Variants in PTER observed in about 807,000 individuals in gnomAD.
PTER encodes the protein phosphotriesterase related, also known as N-acetyltaurine hydrolase.
PTER carries 38 observed loss-of-function variants against 29.6 expected under a neutral mutation model. That is an observed-to-expected ratio of 1.28 (90% CI 0.99 to 1.68). The LOEUF is 1.68. Among genes scored for constraint, PTER ranks in the 40% most tolerant of loss-of-function variants. The pLI, the probability that PTER is intolerant of heterozygous loss-of-function variation, is 0.00. For missense variants in PTER, 482 were observed against 427.8 expected (o/e 1.13, Z -1.12); for synonymous variants, 172 against 154.5 (o/e 1.11, Z -0.84).
intron 1 of PTER, among the ~76,000 whole-genome samples, chr10:16,480,505 C>T (rs143503916): frequency 1.3e-5 from 2 of 152,000 alleles, no homozygotes; most frequent in African/African-American, 4.8e-5. Context: ...CTAATTTGAC[C>T]ATTGCATTTA....
At chr10:16,505,304 CA>C in intron 4 of PTER, 144 bp downstream of exon 4, 1 of 1,079,820 alleles carries the variant, frequency 9.3e-7, no homozygotes, top group Non-Finnish European at 1.3e-6. Context: ...TATGCTGTTT[CA>C]GGGAGAAAAA....
chr10:16,451,045 A>C (rs891796669), intron 1 of PTER, among the ~76,000 whole-genome samples: 2 of 152,172 alleles, frequency 1.3e-5, no homozygotes, highest in African/African-American at 2.4e-5. Flanking sequence ...CCATCCTTAA[A>C]ATTCTGTCTG....
chr10:16,486,958 A>G (rs974278366), intron 3 of PTER, among the ~76,000 whole-genome samples: 7 of 152,200 alleles, frequency 4.6e-5, no homozygotes, highest in Non-Finnish European at 7.3e-5. Flanking sequence ...GTAGCTGCCA[A>G]TTCCACTTGC....
At chr10:16,444,463 A>G (rs1833951782) in intron 1 of PTER, among the ~76,000 whole-genome samples, 1 of 151,332 alleles carries the variant, frequency 6.6e-6, no homozygotes, top group Non-Finnish European at 1.5e-5. Context: ...CAGAGGACCT[A>G]CAGGGAACTT....
intron 2 of PTER, 90 bp downstream of exon 2, chr10:16,484,906 C>A: frequency 7.2e-7 from 1 of 1,379,844 alleles, no homozygotes; most frequent in Non-Finnish European, 9.6e-7. Flanking sequence ...GGTAGCTGGG[C>A]ATGCTACGGA....
Position 16,484,797 on chromosome 10 carries a change from G to C in PTER, c.413G>C (p.Arg138Thr). The change falls in exon 2 of 5, where the codon AGG becomes ACG. Residue 138 changes from arginine (R) to threonine (T), a missense_variant. Transcript: ENST00000535784. ...GATGCAACTCACTCCTCAGAGACCA[G>C]GGCCATGTCAGTGGAGCAGGTAAAA... is the stretch of plus-strand genomic sequence containing the variant. The part of the protein sequence containing the change: ...YVDATHSSET[R>T]AMSVEQLTDV... 1 of 1,604,306 alleles carries C rather than the reference G, an allele frequency of 6.2e-7. No homozygotes were observed. The highest frequency in any genetic ancestry group is 8.5e-7 in the Non-Finnish European group (1 of 1,176,834).
chr10:16,508,182 C>T (rs1326535145), intron 4 of PTER, among the ~76,000 whole-genome samples: 1 of 150,916 alleles, frequency 6.6e-6, no homozygotes, highest in Non-Finnish European at 1.5e-5. Flanking sequence ...CATTCTCCTA[C>T]CTCAGCCTCC....
intron 1 of PTER, among the ~76,000 whole-genome samples, chr10:16,441,727 G>A (rs747713818): frequency 3.3e-5 from 5 of 152,190 alleles, no homozygotes; most frequent in Admixed American, 1.3e-4. Flanking sequence ...GGGCATGACC[G>A]AAGATCTTCT....
In PTER at chr10:16,484,381, A is replaced by G. The variant is rs1835598656; in HGVS notation, c.-4A>G. On this transcript the variant is annotated 5_prime_UTR_variant, in exon 2 of 5. Transcript: ENST00000535784. ...TAGAACATCTCTTGGTGGTACCATC[A>G]GAAATGTCTTCCTTAAGTGGAAAAG... 6.4e-7 allele frequency: 1 copy of G among 1,570,716 alleles called. No individual in the cohort carries two copies. Among genetic ancestry groups the G allele is most frequent in the East Asian group, 2.2e-5 (1 of 44,602 alleles).
At chr10:16,466,200 G>A (rs1243088630) in intron 1 of PTER, among the ~76,000 whole-genome samples, 1 of 152,088 alleles carries the variant, frequency 6.6e-6, no homozygotes, top group East Asian at 1.9e-4. Context: ...CAGGTGTCCA[G>A]GCAGGCAGCA....
intron 3 of PTER, among the ~76,000 whole-genome samples, chr10:16,501,674 C>T (rs934971043): frequency 6.6e-6 from 1 of 152,204 alleles, no homozygotes; most frequent in African/African-American, 2.4e-5. Context: ...AATTAAAGCA[C>T]ACTCTGTGCA....
At chr10:16,470,889 T>G (rs1835024492) in intron 1 of PTER, among the ~76,000 whole-genome samples, 1 of 152,214 alleles carries the variant, frequency 6.6e-6, no homozygotes, top group Non-Finnish European at 1.5e-5. Flanking sequence ...TTTTTTTAAC[T>G]TAAAAATGAT....
At chr10:16,495,538 T>G (rs1391092783) in intron 3 of PTER, among the ~76,000 whole-genome samples, 1 of 152,230 alleles carries the variant, frequency 6.6e-6, no homozygotes, top group Non-Finnish European at 1.5e-5. Flanking sequence ...TTTCAATAAA[T>G]CAGTTGTATA....
intron 2 of PTER, among the ~76,000 whole-genome samples, 172 bp downstream of exon 2, chr10:16,484,988 G>A (rs896815043): frequency 6.6e-6 from 1 of 152,124 alleles, no homozygotes; most frequent in South Asian, 2.1e-4. Flanking sequence ...TAAAGAAAGT[G>A]CCAATTTTGC....
intron 1 of PTER, among the ~76,000 whole-genome samples, chr10:16,440,370 C>T (rs1432548397): frequency 6.6e-6 from 1 of 151,662 alleles, no homozygotes; most frequent in Admixed American, 6.6e-5. Flanking sequence ...ACTTTTATAA[C>T]AAAAGGCTTC....
intron 3 of PTER, among the ~76,000 whole-genome samples, chr10:16,487,842 AT>A (rs1431821832): frequency 6.6e-6 from 1 of 152,182 alleles, no homozygotes; most frequent in Admixed American, 6.6e-5. Flanking sequence ...ATAAATCCTG[AT>A]TATCAGACCA....
At chr10:16,451,837 A>T (rs1834221633) in intron 1 of PTER, among the ~76,000 whole-genome samples, 1 of 152,196 alleles carries the variant, frequency 6.6e-6, no homozygotes, top group African/African-American at 2.4e-5. Context: ...TTCATAGATG[A>T]AATAAAATGA....
At position 16,486,399 on chromosome 10, in the gene PTER, C is replaced by A. The variant is rs781094482; in HGVS notation, c.480C>A (p.Thr160=). ...MNEILHGADG[T]SIKCGIIGEI... is the part of the protein sequence containing the mutation. ...AAATTCTCCATGGAGCTGATGGAAC[C>A]AGTATCAAGTGTGGCATTATTGGAG... The change falls in exon 3 of 5, where the codon ACC becomes ACA. Residue 160 remains threonine, a synonymous_variant. Coordinates refer to ENST00000535784, the MANE Select transcript of PTER (RefSeq NM_001261836.2). 6.2e-7 allele frequency: 1 copy of A among 1,613,918 alleles called. No homozygotes were observed. Among genetic ancestry groups the A allele is most frequent in the Non-Finnish European group, 8.5e-7 (1 of 1,179,880 alleles).
At chr10:16,475,214 G>A (rs983187619) in intron 1 of PTER, among the ~76,000 whole-genome samples, 1 of 152,178 alleles carries the variant, frequency 6.6e-6, no homozygotes. Flanking sequence ...TAAGCCAGAG[G>A]TTACAAACAA....
Sources: allele counts gnomAD v4.1 joint callset (sites outside exome capture counted in the v4.1 genomes callset), GRCh38; gene constraint gnomAD v4.1.1; transcripts MANE v1.5; gene names NCBI Gene and HGNC (gene_info 2026-07-23, HGNC 2026-07-21).